Variants in YWHAZ observed in about 807,000 individuals in gnomAD.
YWHAZ encodes tyrosine 3-monooxygenase/tryptophan 5-monooxygenase activation protein zeta.
For synonymous variants in YWHAZ, 87 were observed against 103.6 expected (o/e 0.84, Z 0.97); for missense variants, 79 against 284.8 (o/e 0.28, Z 5.20).
At chr8:100,937,691 AAG>A (rs1033191743) in intron 2 of YWHAZ, among the ~76,000 whole-genome samples, 2 of 152,218 alleles carry the variant, frequency 1.3e-5, no homozygotes, top group South Asian at 2.1e-4. Flanking sequence ...ACAACAAATG[AAG>A]AGAGAGACAT....
chr8:100,928,279 C>T (rs913531581), intron 2 of YWHAZ, among the ~76,000 whole-genome samples: 15 of 146,318 alleles, frequency 1.0e-4, no homozygotes, highest in Admixed American at 2.7e-4. Flanking sequence ...GACTCCGTCT[C>T]AAAAAAAAAG....
chr8:100,934,370 C>T (rs1036797122), intron 2 of YWHAZ, among the ~76,000 whole-genome samples: 26 of 149,292 alleles, frequency 1.7e-4, no homozygotes, highest in Non-Finnish European at 3.1e-4. Flanking sequence ...TAAGTTGCTA[C>T]ATACCCAAAT....
At chr8:100,947,814 G>C (rs547338442) in intron 2 of YWHAZ, among the ~76,000 whole-genome samples, 1 of 152,266 alleles carries the variant, frequency 6.6e-6, no homozygotes, top group African/African-American at 2.4e-5. Flanking sequence ...TAACCATTTA[G>C]TAAAACCACT....
At chr8:100,952,660 G>C (rs1395436540), upstream of YWHAZ, 5 of 467,740 alleles carry the variant, frequency 1.1e-5, no homozygotes, top group Non-Finnish European at 1.4e-5. Context: ...AGGGTGGCTC[G>C]GCGGCTCCGG....
rs1225417022 is a variant in YWHAZ, at chr8:100,917,907, A to T, written c.*2786T>A. 2 of 152,198 alleles carry T rather than the reference A, an allele frequency of 1.3e-5. No individual in the cohort carries two copies. Among genetic ancestry groups the T allele is most frequent in the South Asian group, 2.1e-4 (1 of 4,834 alleles). The allele number at this position is 152,198 out of a possible 1,614,324, so 9.4% of individuals were successfully genotyped here. ...GAATCTCAGGTTGGAAATTTTCCTT[A>T]ATCTATTGGGAACTACTATGTAGAA... On this transcript the variant is annotated 3_prime_UTR_variant, in exon 6 of 6. Coordinates refer to ENST00000395958, the MANE Select transcript of YWHAZ (RefSeq NM_145690.3).
At chr8:100,934,243 G>C (rs749159084) in intron 2 of YWHAZ, among the ~76,000 whole-genome samples, 7 of 151,050 alleles carry the variant, frequency 4.6e-5, no homozygotes, top group African/African-American at 1.5e-4. Flanking sequence ...TGAGATGGGA[G>C]GATCACTTGA....
intron 5 of YWHAZ, chr8:100,923,413 T>C (rs1244007243): frequency 6.6e-6 from 1 of 151,944 alleles, no homozygotes; most frequent in Non-Finnish European, 1.5e-5. Flanking sequence ...AAGTATTATT[T>C]AGATATTCAA....
intron 2 of YWHAZ, among the ~76,000 whole-genome samples, chr8:100,940,424 A>C (rs1056021274): frequency 2.0e-5 from 3 of 152,164 alleles, no homozygotes; most frequent in Non-Finnish European, 4.4e-5. Context: ...TTCTATGTTC[A>C]ATGAATTTGC....
At position 100,924,150 on chromosome 8, in the gene YWHAZ, G is replaced by A. The variant is rs200465613; in HGVS notation, c.567C>T (p.Cys189=). Residue 189 remains cysteine, a synonymous_variant, in exon 4 of 6, where the codon TGC becomes TGT. Coordinates refer to ENST00000395958, the MANE Select transcript of YWHAZ (RefSeq NM_145690.3). The surrounding 1 kb of genome is among the most constrained non-coding windows in gnomAD (Gnocchi z 5.7). The stretch of plus-strand genomic sequence containing the variant: ...AAATACATACTGTCTTTGCAAGAGA[G>A]CAGGCTTTCTCTGGGGAGTTCAGAA... The part of the protein sequence containing the change: ...YEILNSPEKA[C]SLAKTAFDEA... The A allele has an allele frequency of 2.6e-5, 42 of 1,611,928 alleles. No individual in the cohort carries two copies. The highest frequency in any genetic ancestry group is 3.4e-5 in the Admixed American group (2 of 59,376).
At chr8:100,946,378 C>T (rs1810269962) in intron 2 of YWHAZ, among the ~76,000 whole-genome samples, 1 of 152,108 alleles carries the variant, frequency 6.6e-6, no homozygotes, top group Non-Finnish European at 1.5e-5. Context: ...GGTGAAACCC[C>T]ATCTTTACTA....
At chr8:100,939,178 CCTACA>C (rs1035709363) in intron 2 of YWHAZ, among the ~76,000 whole-genome samples, 1 of 152,214 alleles carries the variant, frequency 6.6e-6, no homozygotes, top group East Asian at 1.9e-4. Flanking sequence ...ACAAAAGATA[CCTACA>C]CTAAACAATG....
chr8:100,934,212 A>G (rs1813966707), intron 2 of YWHAZ, among the ~76,000 whole-genome samples: 1 of 144,804 alleles, frequency 6.9e-6, no homozygotes, highest in East Asian at 2.0e-4. Flanking sequence ...GTGCACTTGC[A>G]CTCCCAGCTA....
At chr8:100,946,322 T>C (rs1033044650) in intron 2 of YWHAZ, among the ~76,000 whole-genome samples, 1 of 152,156 alleles carries the variant, frequency 6.6e-6, no homozygotes, top group Admixed American at 6.5e-5. Context: ...GTGGATCACC[T>C]GAGGTCAAGA....
chr8:100,934,665 G>A (rs552133336), intron 2 of YWHAZ, among the ~76,000 whole-genome samples: 13 of 152,220 alleles, frequency 8.5e-5, no homozygotes, highest in African/African-American at 3.1e-4. Context: ...CAACCTGGGC[G>A]ATAGGGCGAG....
At chr8:100,926,057 AAG>A (rs1439670689) in intron 2 of YWHAZ, among the ~76,000 whole-genome samples, 2 of 152,188 alleles carry the variant, frequency 1.3e-5, no homozygotes, top group Non-Finnish European at 2.9e-5. Context: ...TACAAAAAAA[AAG>A]TATTAGTTTA....
chr8:100,934,814 G>A (rs1814025032), intron 2 of YWHAZ: 1 of 152,148 alleles, frequency 6.6e-6, no homozygotes, highest in South Asian at 2.1e-4. Flanking sequence ...TGTTTACTTT[G>A]CACATAAATT....
In YWHAZ at chr8:100,921,337, A is replaced by G. The variant is rs973918704; in HGVS notation, c.679-585T>C. 2.6e-5 allele frequency among the ~76,000 whole-genome samples: 4 copies of G among 152,216 alleles called. No homozygotes were observed. The East Asian group carries it at 7.7e-4, about 29-fold the overall frequency. Reference sequence around the variant, plus strand: ...AGCCACTGTGCCCAGGCCCTAAATTATTTTTTAAAAACTAAGCATCAATAG... The same window carrying G: ...AGCCACTGTGCCCAGGCCCTAAATTGTTTTTTAAAAACTAAGCATCAATAG... On this transcript the variant is annotated intron_variant, in intron 5 of 5. Transcript: ENST00000395958.
rs1031063865 is a variant in YWHAZ at position 100,918,172 on chromosome 8, G to C, written c.*2521C>G. On this transcript the variant is annotated 3_prime_UTR_variant, in exon 6 of 6. Coordinates refer to ENST00000395958, the MANE Select transcript of YWHAZ (RefSeq NM_145690.3). ...AGCCTGGACAACATGGTGAAACCCTGTCTCTACTAAAAACACAAAAATTAG... is the reference window on the plus strand; with the variant it reads ...AGCCTGGACAACATGGTGAAACCCTCTCTCTACTAAAAACACAAAAATTAG... 6.6e-6 allele frequency: 1 copy of C among 151,102 alleles called. No individual in the cohort carries two copies. Among genetic ancestry groups the C allele is most frequent in the Non-Finnish European group, 1.5e-5 (1 of 67,752 alleles). The allele number at this position is 151,102 out of a possible 1,614,324, so 9.4% of individuals were successfully genotyped here.
At chr8:100,941,320 A>T (rs1809833737) in intron 2 of YWHAZ, among the ~76,000 whole-genome samples, 1 of 152,218 alleles carries the variant, frequency 6.6e-6, no homozygotes, top group Non-Finnish European at 1.5e-5. Flanking sequence ...TTATAAGCTG[A>T]GTGTTCATAA....
Sources: gnomAD v4.1 joint callset for allele counts (sites outside exome capture counted in the v4.1 genomes callset) on GRCh38, gnomAD v4.1.1 for gene constraint, Gnocchi (gnomAD v3.1) non-coding constraint, MANE v1.5 for transcripts, NCBI Gene and HGNC (gene_info 2026-07-23, HGNC 2026-07-21) for gene names.